The following BTN2A1 variants were observed in gnomAD, a reference collection of about 807,000 sequenced individuals.
BTN2A1 encodes butyrophilin subfamily 2 member A1.
BTN2A1 carries 41 observed loss-of-function variants against 34.5 expected under a neutral mutation model. The ratio of observed to expected loss-of-function variants is 1.19; its 90% CI spans 0.93 to 1.54. BTN2A1 has a LOEUF of 1.54. Ranked by LOEUF, BTN2A1 falls within the 40% of genes most tolerant of loss-of-function variation. The probability of loss-of-function intolerance (pLI) is 0.00; values close to 1 mark genes in which losing one functional copy is unlikely to be tolerated. For missense variants in BTN2A1, 642 were observed against 662.0 expected (o/e 0.97, Z 0.33); for synonymous variants, 267 against 258.6 (o/e 1.03, Z -0.31).
chr6:26,461,005 G>C (rs1763150249), intron 3 of BTN2A1, among the ~76,000 whole-genome samples: 1 of 152,202 alleles, frequency 6.6e-6, no homozygotes, highest in Non-Finnish European at 1.5e-5. Flanking sequence ...CATCAGACCA[G>C]ACAGAGGAGG....
At chr6:26,474,733 A>G (rs2113872854) in intron 7 of BTN2A1, among the ~76,000 whole-genome samples, 1 of 150,688 alleles carries the variant, frequency 6.6e-6, no homozygotes, top group Non-Finnish European at 1.5e-5. Flanking sequence ...GGAACTAATT[A>G]CAGTCAGAAA....
exon 8 of BTN2A1, chr6:26,476,412 C>T: frequency 1.4e-6 from 1 of 704,484 alleles, no homozygotes; most frequent in South Asian, 1.4e-5. Flanking sequence ...GCCCAGATGT[C>T]TGCTCACCCT....
At chr6:26,470,604 A>G (rs1294147077), downstream of BTN2A1, among the ~76,000 whole-genome samples, 2 of 152,230 alleles carry the variant, frequency 1.3e-5, no homozygotes, top group African/African-American at 2.4e-5. Context: ...TCTGCCATCA[A>G]TATCTTTGGG....
At position 26,465,545 on chromosome 6, in the gene BTN2A1, G is replaced by T. The variant is rs981177558; in HGVS notation, c.934+139G>T. On this transcript the variant is annotated intron_variant, in intron 5 of 7. Coordinates refer to ENST00000312541, the MANE Select transcript of BTN2A1 (RefSeq NM_007049.5). ...GACCCTGTTTAATTAAAAAAAAAAAGAAAAGAAAAAGAGTAGAAGGACAGT... is the reference window on the plus strand; with the variant it reads ...GACCCTGTTTAATTAAAAAAAAAAATAAAAGAAAAAGAGTAGAAGGACAGT... 1.1e-5 allele frequency: 9 copies of T among 820,626 alleles called. No individual in the cohort carries two copies. In the South Asian group the frequency reaches 1.5e-4, roughly 14 times the overall value. 50.8% of individuals were successfully genotyped at this position (820,626 alleles called of 1,614,324 possible).
chr6:26,473,766 C>T (rs1359965940), downstream of BTN2A1, among the ~76,000 whole-genome samples: 1 of 152,200 alleles, frequency 6.6e-6, no homozygotes, highest in Non-Finnish European at 1.5e-5. Flanking sequence ...TGATTGTACA[C>T]GTAACACACA....
chr6:26,467,852 C>A, intron 7 of BTN2A1, 96 bp from the exon 8 acceptor site: 2 of 1,558,730 alleles, frequency 1.3e-6, no homozygotes, highest in Non-Finnish European at 8.7e-7. Flanking sequence ...CGTGGGGATC[C>A]CTTCAGAGAT....
rs748711182 is a variant in BTN2A1, at chr6:26,465,220, GC to G, written c.751del (p.Leu251CysfsTer8). ...GCCCAGTGTGTCTCCCTGTGCAGTG[GC>G]CCTGCCTATCATTGTGGTTATTCTG... ...FMPSVSPCAV[A>X]LPIIVVILMI... On this transcript the variant is annotated frameshift_variant, in exon 5 of 8. Coordinates refer to ENST00000312541, the MANE Select transcript of BTN2A1 (RefSeq NM_007049.5). LOFTEE classifies it high-confidence loss of function. 6.2e-7 allele frequency: 1 copy of G among 1,614,014 alleles called. No homozygotes were observed. The highest frequency in any genetic ancestry group is 1.7e-5 in the Admixed American group (1 of 60,002).
intron 3 of BTN2A1, among the ~76,000 whole-genome samples, chr6:26,462,538 C>G (rs1439067102): frequency 6.6e-6 from 1 of 152,166 alleles, no homozygotes; most frequent in Non-Finnish European, 1.5e-5. Context: ...AGAGCTAAAA[C>G]CCTGTCCCTA....
chr6:26,470,492 A>G (rs1763430654), downstream of BTN2A1, among the ~76,000 whole-genome samples: 1 of 145,506 alleles, frequency 6.9e-6, no homozygotes, highest in African/African-American at 2.5e-5. Flanking sequence ...TGATTGGGTT[A>G]AGGAATACCT....
At position 26,458,712 on chromosome 6, in the gene BTN2A1, G is replaced by A. The variant is rs1163810661; in HGVS notation, c.76G>A (p.Val26Ile). ...LLLLLSLCAL[V>I]SAQFIVVGPT... Reference sequence around the variant, plus strand: ...CCTCCTCCTCAGCCTGTGTGCACTGGTCTCAGGTAGGGATGTGTGCCACTT... The same window carrying A: ...CCTCCTCCTCAGCCTGTGTGCACTGATCTCAGGTAGGGATGTGTGCCACTT... The change falls in exon 2 of 8, where the codon GTC (valine) becomes ATC (isoleucine). Residue 26 changes from valine to isoleucine, a missense_variant. Physicochemically the swap from Val to Ile is conservative, Grantham distance 29 (BLOSUM62 3). Transcript: ENST00000312541. The A allele has an allele frequency of 1.2e-6, 2 of 1,614,020 alleles. No homozygotes were observed. Among genetic ancestry groups the A allele is most frequent in the Non-Finnish European group, 1.7e-6 (2 of 1,179,954 alleles).
intron 3 of BTN2A1, chr6:26,462,881 G>C (rs993547527): frequency 8.6e-6 from 11 of 1,274,954 alleles, no homozygotes; most frequent in African/African-American, 1.5e-5. Flanking sequence ...AGTTGGAGTC[G>C]ACACACCCAT....
chr6:26,464,108 T>G (rs1180521326), intron 4 of BTN2A1, among the ~76,000 whole-genome samples: 1 of 152,068 alleles, frequency 6.6e-6, no homozygotes, highest in Non-Finnish European at 1.5e-5. Context: ...GGCCAGCAAT[T>G]TTTAGACATT....
chr6:26,466,394 T>C (rs1763318399), intron 7 of BTN2A1, among the ~76,000 whole-genome samples: 1 of 152,216 alleles, frequency 6.6e-6, no homozygotes, highest in African/African-American at 2.4e-5. Flanking sequence ...CAGTAGTTGT[T>C]GTTCTTTGAT....
intron 3 of BTN2A1, chr6:26,462,710 G>C (rs1327866476): frequency 3.3e-6 from 3 of 921,066 alleles, no homozygotes; most frequent in Non-Finnish European, 4.6e-6. Context: ...TTCTGAACTA[G>C]ACAGAAGGGT....
At chr6:26,470,085 C>T (rs141309955), downstream of BTN2A1, among the ~76,000 whole-genome samples, 6 of 152,144 alleles carry the variant, frequency 3.9e-5, no homozygotes, top group Admixed American at 6.5e-5. Context: ...CGGTGGCTCA[C>T]GCCTGTAATC....
At chr6:26,467,400 C>T (rs1361871287) in intron 7 of BTN2A1, among the ~76,000 whole-genome samples, 3 of 152,214 alleles carry the variant, frequency 2.0e-5, no homozygotes, top group Non-Finnish European at 4.4e-5. Context: ...CAACCTCTGC[C>T]TCCCGGGTTC....
chr6:26,468,325 C>T lies in BTN2A1; in HGVS notation c.1360C>T (p.Leu454=), dbSNP rs373445192. 6.2e-7 allele frequency: 1 copy of T among 1,614,088 alleles called. No individual in the cohort carries two copies. Among genetic ancestry groups the T allele is most frequent in the African/African-American group, 1.3e-5 (1 of 74,932 alleles). The change falls in exon 8 of 8, where the codon CTG becomes TTG. Residue 454 remains leucine (L), a synonymous_variant. Coordinates refer to ENST00000312541, the MANE Select transcript of BTN2A1 (RefSeq NM_007049.5). Reference sequence around the variant, plus strand: ...GTCCCTTTGCCGGGTGGGCGTCTTCCTGGACTATGAAGCTGGAGATGTCTC... The same window carrying T: ...GTCCCTTTGCCGGGTGGGCGTCTTCTTGGACTATGAAGCTGGAGATGTCTC... The part of the protein sequence containing the change: ...KESLCRVGVF[L]DYEAGDVSFY...
In BTN2A1 at chr6:26,468,310, C is replaced by T. The variant is rs369960266; in HGVS notation, c.1345C>T (p.Arg449Trp). 48 of 1,614,028 alleles carry T rather than the reference C, an allele frequency of 3.0e-5. No homozygotes were observed. The highest frequency in any genetic ancestry group is 1.6e-4 in the Middle Eastern group (1 of 6,082). ...TCTCCCTTTGAAGGAGTCCCTTTGC[C>T]GGGTGGGCGTCTTCCTGGACTATGA... ...RILPLKESLC[R>W]VGVFLDYEAG... is the part of the protein sequence containing the mutation. The change falls in exon 8 of 8, where the codon CGG becomes TGG. Residue 449 changes from arginine to tryptophan, a missense_variant. Coordinates refer to ENST00000312541, the MANE Select transcript of BTN2A1 (RefSeq NM_007049.5).
chr6:26,462,065 T>G lies in BTN2A1; in HGVS notation c.431-1179T>G, dbSNP rs567754121. Among the ~76,000 whole-genome samples, 10 of 152,142 alleles carry G rather than the reference T, an allele frequency of 6.6e-5. No individual in the cohort carries two copies. In the East Asian group the frequency reaches 1.5e-3, roughly 23 times the overall value. On this transcript the variant is annotated intron_variant, in intron 3 of 7. Transcript: ENST00000312541. The stretch of plus-strand genomic sequence containing the variant: ...TTAAATTGAGCCAAAGCACCAGACT[T>G]AAGTTATTGATTTAATTTCCTGTCT...
Sources: allele counts gnomAD v4.1 joint callset (sites outside exome capture counted in the v4.1 genomes callset), GRCh38; gene constraint gnomAD v4.1.1; transcripts MANE v1.5; gene names NCBI Gene and HGNC (gene_info 2026-07-23, HGNC 2026-07-21).